Variants in NPAS3 observed in about 807,000 individuals in gnomAD.
NPAS3 encodes neuronal PAS domain-containing protein 3.
Under a neutral mutation model 73.1 loss-of-function variants are expected in NPAS3, and 14 were observed. The observed-to-expected ratio is 0.19, with a 90% CI of 0.13 to 0.30. The LOEUF (loss-of-function observed/expected upper bound fraction) is 0.30, where lower values mean the gene tolerates loss of function less well. Among genes scored for constraint, NPAS3 ranks in the 10% least tolerant of loss-of-function variants. The probability of loss-of-function intolerance (pLI) is 1.00; values close to 1 mark genes in which losing one functional copy is unlikely to be tolerated. For synonymous variants in NPAS3, 620 were observed against 541.5 expected, an observed-to-expected ratio of 1.14 and a Z score of -2.01; for missense variants, 1,096 against 1,250.0, an observed-to-expected ratio of 0.88 and a Z score of 1.86.
chr14:33,724,981 T>C (rs1358726575), intron 6 of NPAS3, among the ~76,000 whole-genome samples: 3 of 152,164 alleles, frequency 2.0e-5, no homozygotes, highest in Admixed American at 2.0e-4. Flanking sequence ...CAATGAAATA[T>C]TGCACAGCCA....
intron 2 of NPAS3, among the ~76,000 whole-genome samples, chr14:33,138,601 A>G (rs2043928793): frequency 1.3e-5 from 2 of 152,272 alleles, no homozygotes; most frequent in East Asian, 1.9e-4. Context: ...CAAAACATCT[A>G]TGTGTTTATG....
chr14:33,210,919 G>GA (rs796272208), intron 2 of NPAS3, among the ~76,000 whole-genome samples: 1 of 152,250 alleles, frequency 6.6e-6, no homozygotes, highest in African/African-American at 2.4e-5. Context: ...GTAATAAAAG[G>GA]AAAAATGTGT....
chr14:33,447,203 A>G (rs1363844260), intron 4 of NPAS3, among the ~76,000 whole-genome samples: 1 of 152,236 alleles, frequency 6.6e-6, no homozygotes, highest in Non-Finnish European at 1.5e-5. Context: ...GAGTCTTTGC[A>G]GAGGATAGTA....
chr14:33,585,733 C>A (rs1199924118), intron 5 of NPAS3, among the ~76,000 whole-genome samples: 1 of 152,146 alleles, frequency 6.6e-6, no homozygotes, highest in Non-Finnish European at 1.5e-5. Flanking sequence ...CTCATAATTT[C>A]TTTTAGTTTT....
intron 2 of NPAS3, among the ~76,000 whole-genome samples, chr14:33,106,758 A>C (rs2042734199): frequency 6.6e-6 from 1 of 152,184 alleles, no homozygotes; most frequent in African/African-American, 2.4e-5. Flanking sequence ...ATGCACGGGA[A>C]GTCTAAACAA....
At chr14:33,692,267 C>G (rs2060255386) in intron 6 of NPAS3, among the ~76,000 whole-genome samples, 1 of 152,082 alleles carries the variant, frequency 6.6e-6, no homozygotes, top group African/African-American at 2.4e-5. Context: ...GCATGTTAAC[C>G]AAATGCCTTT....
chr14:33,723,959 A>C (rs188371224), intron 6 of NPAS3, among the ~76,000 whole-genome samples: 49 of 151,992 alleles, frequency 3.2e-4, no homozygotes, highest in African/African-American at 1.2e-3. Context: ...ATATATATCC[A>C]TTTTTTTACC....
At chr14:32,966,390 A>G (rs985860185) in intron 1 of NPAS3, among the ~76,000 whole-genome samples, 3 of 152,214 alleles carry the variant, frequency 2.0e-5, no homozygotes, top group Non-Finnish European at 1.5e-5. Context: ...GCTAGAAATG[A>G]ATCCATGCTT....
At chr14:33,016,270 G>A (rs1256483652) in intron 1 of NPAS3, among the ~76,000 whole-genome samples, 1 of 152,000 alleles carries the variant, frequency 6.6e-6, no homozygotes, top group African/African-American at 2.4e-5. Context: ...AAAAATTTTT[G>A]CCCCGCTTAA....
intron 7 of NPAS3, among the ~76,000 whole-genome samples, chr14:33,751,237 CAAG>C (rs2061954187): frequency 6.6e-6 from 1 of 152,128 alleles, no homozygotes; most frequent in Admixed American, 6.6e-5. Context: ...TATTTTCTAA[CAAG>C]AAGAACTTGA....
intron 1 of NPAS3, among the ~76,000 whole-genome samples, chr14:32,941,842 T>A (rs898393053): frequency 3.3e-5 from 5 of 152,200 alleles, no homozygotes; most frequent in Admixed American, 2.0e-4. Context: ...AACCGCAAAC[T>A]TGGTCCCTTA....
At chr14:33,243,657 G>A (rs1317063400) in intron 3 of NPAS3, among the ~76,000 whole-genome samples, 1 of 151,990 alleles carries the variant, frequency 6.6e-6, no homozygotes, top group Non-Finnish European at 1.5e-5. Context: ...CTGTTCCAGG[G>A]AAAGCTAGCA....
intron 4 of NPAS3, among the ~76,000 whole-genome samples, chr14:33,412,009 A>G (rs2047949249): frequency 6.6e-6 from 1 of 152,180 alleles, no homozygotes; most frequent in Non-Finnish European, 1.5e-5. Context: ...GCTATACTAT[A>G]TGGCACCCTA....
intron 4 of NPAS3, among the ~76,000 whole-genome samples, chr14:33,376,616 C>T (rs1177993103): frequency 1.3e-5 from 2 of 152,136 alleles, no homozygotes; most frequent in South Asian, 2.1e-4. Flanking sequence ...GTCTCAGCTC[C>T]GTGTTAGAAG....
At chr14:33,711,466 A>G (rs1226475764) in intron 6 of NPAS3, among the ~76,000 whole-genome samples, 4 of 152,156 alleles carry the variant, frequency 2.6e-5, no homozygotes, top group Non-Finnish European at 4.4e-5. Flanking sequence ...GGGCCAAATA[A>G]ACGTAGATAG....
At chr14:33,349,034 G>A (rs112856658) in intron 3 of NPAS3, among the ~76,000 whole-genome samples, 13 of 152,258 alleles carry the variant, frequency 8.5e-5, no homozygotes, top group African/African-American at 2.6e-4. Flanking sequence ...GAAACTGGAG[G>A]AACCAAACGA....
chr14:33,575,568 A>G (rs951876102), intron 5 of NPAS3, among the ~76,000 whole-genome samples: 1 of 152,218 alleles, frequency 6.6e-6, no homozygotes, highest in Admixed American at 6.5e-5. Flanking sequence ...ATTGGTAAAA[A>G]GAATATTCAT....
intron 5 of NPAS3, among the ~76,000 whole-genome samples, chr14:33,664,960 G>A (rs2059411789): frequency 6.6e-6 from 1 of 152,166 alleles, no homozygotes; most frequent in Non-Finnish European, 1.5e-5. Context: ...GATTCCTCAA[G>A]GATCTAGAAC....
At chr14:33,743,938 G>A (rs1595537896) in intron 7 of NPAS3, among the ~76,000 whole-genome samples, 1 of 152,162 alleles carries the variant, frequency 6.6e-6, no homozygotes, top group African/African-American at 2.4e-5. Flanking sequence ...TCATAGAATT[G>A]AAGAGAGATA....
Sources: gnomAD v4.1 joint callset for allele counts (sites outside exome capture counted in the v4.1 genomes callset) on GRCh38, gnomAD v4.1.1 for gene constraint, MANE v1.5 for transcripts, NCBI Gene and HGNC (gene_info 2026-07-23, HGNC 2026-07-21) for gene names.